CSMD3: variants seen among roughly 807,000 people sequenced by gnomAD.
CSMD3 encodes CUB and sushi domain-containing protein 3.
A neutral mutation model predicts 435.2 loss-of-function variants in CSMD3; 177 were observed. The observed-to-expected ratio is 0.41, with a 90% CI of 0.36 to 0.46. The LOEUF is 0.46. CSMD3 is among the 20% of genes least tolerant of loss of function. CSMD3 has a pLI of 0.34. For missense variants in CSMD3, 4,265 were observed against 4,504.6 expected (o/e 0.95, Z 1.52); for synonymous variants, 1,656 against 1,520.5 (o/e 1.09, Z -2.07).
At position 112,410,638 on chromosome 8, in the gene CSMD3, G is replaced by A. The variant is rs11779112; in HGVS notation, c.5396-1606C>T. Reference sequence around the variant, plus strand: ...TATGTATATATATGTGTATATATATGTATATATATATGTGTATATATATGT... The same window carrying A: ...TATGTATATATATGTGTATATATATATATATATATATGTGTATATATATGT... On this transcript the variant is annotated intron_variant, in intron 32 of 70. Transcript: ENST00000297405. Among the ~76,000 whole-genome samples the A allele has an allele frequency of 1.5e-3, 73 of 50,230 alleles. 1 individual carries two copies. Among genetic ancestry groups the A allele is most frequent in the East Asian group, 3.2e-3 (6 of 1,850 alleles). 33.0% of individuals were successfully genotyped at this position (50,230 alleles called of 152,430 possible).
At chr8:112,997,955 A>G (rs1336582767) in intron 6 of CSMD3, among the ~76,000 whole-genome samples, 1 of 151,066 alleles carries the variant, frequency 6.6e-6, no homozygotes, top group African/African-American at 2.4e-5. Flanking sequence ...TTGCCTCTAT[A>G]TGTCTCATTT....
chr8:113,299,579 A>G (rs528540031), intron 2 of CSMD3, among the ~76,000 whole-genome samples: 1 of 152,304 alleles, frequency 6.6e-6, no homozygotes, highest in South Asian at 2.1e-4. Flanking sequence ...TGTGGTAAAT[A>G]ATAAGTACAA....
At chr8:113,237,135 T>A (rs1380938664) in intron 3 of CSMD3, among the ~76,000 whole-genome samples, 1 of 152,186 alleles carries the variant, frequency 6.6e-6, no homozygotes, top group African/African-American at 2.4e-5. Context: ...TCCAAATCAT[T>A]ACCTAAGAAG....
chr8:112,749,826 G>C (rs553124372), intron 13 of CSMD3, among the ~76,000 whole-genome samples: 1 of 151,070 alleles, frequency 6.6e-6, no homozygotes, highest in African/African-American at 2.5e-5. Context: ...ATTATAACTA[G>C]AAGTTTTCTT....
chr8:113,351,586 TA>T (rs2094190677), intron 1 of CSMD3, among the ~76,000 whole-genome samples: 2 of 152,140 alleles, frequency 1.3e-5, no homozygotes, highest in South Asian at 2.1e-4. Flanking sequence ...TATTTAGTAA[TA>T]TTTCCTTTAG....
intron 3 of CSMD3, among the ~76,000 whole-genome samples, chr8:113,244,722 T>A (rs1255197978): frequency 2.0e-5 from 3 of 152,170 alleles, no homozygotes; most frequent in African/African-American, 7.2e-5. Flanking sequence ...CTTCATTGAG[T>A]TGTTTTGACC....
intron 4 of CSMD3, among the ~76,000 whole-genome samples, chr8:113,150,591 A>G (rs918366890): frequency 5.3e-5 from 8 of 151,990 alleles, no homozygotes; most frequent in African/African-American, 1.9e-4. Context: ...ACCTACAGAC[A>G]CTATGAGATA....
intron 12 of CSMD3, among the ~76,000 whole-genome samples, chr8:112,820,312 C>T (rs2079493183): frequency 6.6e-6 from 1 of 152,158 alleles, no homozygotes; most frequent in African/African-American, 2.4e-5. Context: ...GGTATGCTTA[C>T]CCAGAAGTGT....
intron 27 of CSMD3, among the ~76,000 whole-genome samples, chr8:112,524,101 C>T (rs1022133066): frequency 6.6e-6 from 1 of 151,848 alleles, no homozygotes; most frequent in Non-Finnish European, 1.5e-5. Flanking sequence ...ACAACACAGC[C>T]CTGCTTTCAT....
intron 7 of CSMD3, among the ~76,000 whole-genome samples, chr8:112,973,341 T>C (rs2084728426): frequency 6.6e-6 from 1 of 151,930 alleles, no homozygotes; most frequent in Admixed American, 6.6e-5. Flanking sequence ...AAAAGTAACT[T>C]AAAAGACTCA....
intron 1 of CSMD3, among the ~76,000 whole-genome samples, chr8:113,355,635 G>C (rs1513519): frequency 0.33 from 48,524 of 149,022 alleles, 9,799 homozygotes; most frequent in Non-Finnish European, 0.47. Context: ...ACGAATTTTA[G>C]GGGGACACAA....
At chr8:113,309,013 G>T (rs1320739168) in intron 2 of CSMD3, among the ~76,000 whole-genome samples, 2 of 151,968 alleles carry the variant, frequency 1.3e-5, no homozygotes, top group African/African-American at 4.8e-5. Context: ...CAGTGGTGCA[G>T]TCTCTGCTCA....
chr8:112,437,951 A>G (rs1396584664), intron 32 of CSMD3, among the ~76,000 whole-genome samples: 1 of 152,034 alleles, frequency 6.6e-6, no homozygotes, highest in Non-Finnish European at 1.5e-5. Context: ...TTGAGGATAC[A>G]GTTTTATTTA....
At chr8:113,087,587 GAC>G (rs2089841591) in intron 5 of CSMD3, among the ~76,000 whole-genome samples, 1 of 151,982 alleles carries the variant, frequency 6.6e-6, no homozygotes, top group Admixed American at 6.6e-5. Flanking sequence ...TGACAAACCT[GAC>G]AAAAACAAGA....
At chr8:112,295,202 G>A (rs974918140) in intron 54 of CSMD3, among the ~76,000 whole-genome samples, 2 of 151,968 alleles carry the variant, frequency 1.3e-5, no homozygotes, top group Non-Finnish European at 2.9e-5. Flanking sequence ...TGCATTTTGA[G>A]GTTAAAAGAT....
intron 5 of CSMD3, among the ~76,000 whole-genome samples, chr8:113,084,063 GAA>G (rs962114133): frequency 2.0e-5 from 3 of 152,064 alleles, no homozygotes; most frequent in Non-Finnish European, 4.4e-5. Context: ...ATGTAGCCTA[GAA>G]AACTCTTTTC....
chr8:112,335,223 A>G (rs1378927390), intron 45 of CSMD3, 106 bp downstream of exon 45: 6 of 1,168,118 alleles, frequency 5.1e-6, no homozygotes, highest in Non-Finnish European at 7.4e-6. Context: ...AAATTTCTAA[A>G]TTTTAATACC....
intron 13 of CSMD3, among the ~76,000 whole-genome samples, chr8:112,720,658 T>C (rs2131966206): frequency 6.6e-6 from 1 of 152,170 alleles, no homozygotes; most frequent in South Asian, 2.1e-4. Context: ...AGGATGTGAC[T>C]GATTGGCTCA....
chr8:113,269,779 G>T (rs2093504653), intron 3 of CSMD3, among the ~76,000 whole-genome samples: 1 of 151,996 alleles, frequency 6.6e-6, no homozygotes, highest in South Asian at 2.1e-4. Context: ...GCTGAAACTG[G>T]ATCCCTTCCT....
Sources: gnomAD v4.1 joint callset for allele counts (sites outside exome capture counted in the v4.1 genomes callset) on GRCh38, gnomAD v4.1.1 for gene constraint, MANE v1.5 for transcripts, NCBI Gene and HGNC (gene_info 2026-07-23, HGNC 2026-07-21) for gene names.